Variants in MRPL45 observed in about 807,000 individuals in gnomAD.
MRPL45 encodes mitochondrial ribosomal protein L45.
Under a neutral mutation model 38.1 loss-of-function variants are expected in MRPL45, and 20 were observed. The observed-to-expected ratio is 0.53, with a 90% CI of 0.37 to 0.76. The LOEUF is 0.76. Among genes scored for constraint, MRPL45 ranks in the 30% least tolerant of loss-of-function variants. The pLI is 0.00. For missense variants in MRPL45, 337 were observed against 395.6 expected, an observed-to-expected ratio of 0.85 and a Z score of 1.26; for synonymous variants, 105 against 128.8, an observed-to-expected ratio of 0.82 and a Z score of 1.25.
chr17:38,314,768 A>G (rs372155618), intron 4 of MRPL45, among the ~76,000 whole-genome samples: 3 of 152,034 alleles, frequency 2.0e-5, no homozygotes. Flanking sequence ...CTGACCTCAG[A>G]TGATCCACCC....
At chr17:38,306,706 G>C in intron 4 of MRPL45, 75 bp downstream of exon 4, 1 of 1,584,428 alleles carries the variant, frequency 6.3e-7, no homozygotes, top group South Asian at 1.2e-5. Context: ...TTTTTTGTTT[G>C]TTTGTTTTTG....
intron 3 of MRPL45, among the ~76,000 whole-genome samples, chr17:38,302,116 C>CAAAAAAAA (rs67699213): frequency 1.3e-5 from 1 of 75,594 alleles, no homozygotes; most frequent in Non-Finnish European, 2.3e-5. Context: ...GACTCCGTCT[C>CAAAAAAAA]AAAAAAAAAA....
chr17:38,302,510 GTT>G (rs1297657775), intron 3 of MRPL45, among the ~76,000 whole-genome samples: 1 of 101,316 alleles, frequency 9.9e-6, no homozygotes, highest in Non-Finnish European at 1.7e-5. Context: ...AAAAAAGTTT[GTT>G]TTTTTTTTTT....
intron 3 of MRPL45, among the ~76,000 whole-genome samples, chr17:38,300,402 A>T (rs1181320959): frequency 6.6e-6 from 1 of 152,006 alleles, no homozygotes; most frequent in Non-Finnish European, 1.5e-5. Context: ...GGGCTCAAGC[A>T]GTCCTCCCAC....
chr17:38,316,956 C>A (rs977556135), intron 4 of MRPL45, among the ~76,000 whole-genome samples: 7 of 151,916 alleles, frequency 4.6e-5, no homozygotes, highest in African/African-American at 1.7e-4. Context: ...TGCCACTGTA[C>A]CTGGCTAATT....
intron 4 of MRPL45, among the ~76,000 whole-genome samples, chr17:38,317,017 T>C (rs912878489): frequency 1.3e-5 from 2 of 152,156 alleles, no homozygotes; most frequent in African/African-American, 2.4e-5. Flanking sequence ...AGGATGGTCT[T>C]GATCTCCTGA....
chr17:38,313,367 CGTAT>C (rs2037143036), intron 4 of MRPL45, among the ~76,000 whole-genome samples: 1 of 17,074 alleles, frequency 5.9e-5, no homozygotes, highest in African/African-American at 2.7e-4. Context: ...TATATATATA[CGTAT>C]ATATATATAT....
intron 3 of MRPL45, 38 bp from the exon 4 acceptor site, chr17:38,306,495 A>T (rs1283919268): frequency 2.0e-6 from 3 of 1,515,076 alleles, no homozygotes; most frequent in African/African-American, 2.8e-5. Flanking sequence ...ATGGAATTGT[A>T]AGACCTTTAG....
chr17:38,313,882 C>T (rs1309636359), intron 4 of MRPL45, among the ~76,000 whole-genome samples: 1 of 151,442 alleles, frequency 6.6e-6, no homozygotes, highest in Non-Finnish European at 1.5e-5. Context: ...AGGCTGGTCT[C>T]GAACTCCTGA....
intron 3 of MRPL45, among the ~76,000 whole-genome samples, chr17:38,302,761 G>T (rs2037011671): frequency 1.3e-5 from 2 of 150,516 alleles, no homozygotes; most frequent in South Asian, 4.2e-4. Context: ...GTCTTGCTCT[G>T]TTACCCAGGC....
chr17:38,310,130 CTTTTTTT>C (rs71135802), intron 4 of MRPL45, among the ~76,000 whole-genome samples: 3 of 122,236 alleles, frequency 2.5e-5, no homozygotes, highest in African/African-American at 9.4e-5. Context: ...TTAGAATTTT[CTTTTTTT>C]TTTTTTTTTA....
chr17:38,322,845 G>T lies in MRPL45; in HGVS notation c.*250G>T. On this transcript the variant is annotated 3_prime_UTR_variant, in exon 8 of 8. Transcript: ENST00000613675. ...AGCTTCTGAGTCTAGATGAAAGACA[G>T]TATGTTTCAGAGAACATTGGATATC... 1 of 477,086 alleles carries T rather than the reference G, an allele frequency of 2.1e-6. No individual in the cohort carries two copies. The highest frequency in any genetic ancestry group is 3.4e-5 in the East Asian group (1 of 29,274). 29.6% of individuals were successfully genotyped at this position (477,086 alleles called of 1,614,324 possible).
At position 38,297,206 on chromosome 17, in the gene MRPL45, G is replaced by C. The variant is rs540817995; in HGVS notation, c.23G>C (p.Gly8Ala). Residue 8 changes from glycine to alanine, a missense_variant, in exon 1 of 8, where the codon GGG becomes GCG. Around this residue, in one of 3 missense-constraint regions of MRPL45, gnomAD observed 26 missense variants for 16.9 expected, o/e 1.54. Transcript: ENST00000613675. MAAPIPQGFSCLSRFLGW... is the reference protein window; with the variant it reads MAAPIPQAFSCLSRFLGW... ...AAGATGGCAGCCCCCATACCTCAAG[G>C]GTTCTCTTGTTTATCGAGGTTTTTG... The C allele has an allele frequency of 4.6e-5, 75 of 1,614,244 alleles. 1 individual carries two copies. The South Asian group carries it at 8.0e-4, about 17-fold the overall frequency.
At chr17:38,301,521 G>A (rs867194889) in intron 3 of MRPL45, among the ~76,000 whole-genome samples, 5 of 152,248 alleles carry the variant, frequency 3.3e-5, no homozygotes, top group Middle Eastern at 3.4e-3. Flanking sequence ...GATTACAGGC[G>A]TGAGCCACCA....
intron 2 of MRPL45, among the ~76,000 whole-genome samples, chr17:38,298,978 C>T (rs1243146733): frequency 2.0e-5 from 3 of 150,936 alleles, no homozygotes; most frequent in African/African-American, 7.3e-5. Context: ...AACCTCTGCC[C>T]CCCTGGGTTC....
At chr17:38,304,837 C>T (rs998624122) in intron 3 of MRPL45, among the ~76,000 whole-genome samples, 5 of 132,820 alleles carry the variant, frequency 3.8e-5, no homozygotes, top group South Asian at 2.8e-4. Context: ...TCACTGCGCC[C>T]GGCCGTAACT....
chr17:38,321,505 A>G (rs2037229091), intron 6 of MRPL45, among the ~76,000 whole-genome samples: 2 of 151,594 alleles, frequency 1.3e-5, no homozygotes, highest in Admixed American at 1.3e-4. Flanking sequence ...AGCCTGGCCA[A>G]CATGGCAAAA....
At chr17:38,319,455 C>T (rs937567906) in intron 5 of MRPL45, among the ~76,000 whole-genome samples, 6 of 152,096 alleles carry the variant, frequency 3.9e-5, no homozygotes, top group African/African-American at 1.4e-4. Flanking sequence ...AGGCATGAAC[C>T]CCACTGCGCC....
chr17:38,320,918 C>T, intron 6 of MRPL45, 151 bp downstream of exon 6: 1 of 728,690 alleles, frequency 1.4e-6, no homozygotes, highest in Non-Finnish European at 2.3e-6. Context: ...CTGTCCCCTT[C>T]CCACTGTTAC....
Sources: allele counts gnomAD v4.1 joint callset (sites outside exome capture counted in the v4.1 genomes callset), GRCh38; gene constraint gnomAD v4.1.1; regional missense constraint gnomAD v4.1.1; transcripts MANE v1.5; gene names NCBI Gene and HGNC (gene_info 2026-07-23, HGNC 2026-07-21).